The following RPS6KA2 variants were observed in gnomAD, a reference collection of about 807,000 sequenced individuals.
RPS6KA2 encodes the protein ribosomal protein S6 kinase A2.
RPS6KA2 carries 42 observed loss-of-function variants against 91.8 expected under a neutral mutation model. The ratio of observed to expected loss-of-function variants is 0.46; its 90% CI spans 0.36 to 0.59. The LOEUF (loss-of-function observed/expected upper bound fraction) is 0.59, where lower values mean the gene tolerates loss of function less well. RPS6KA2 is among the 20% of genes least tolerant of loss of function. The probability of loss-of-function intolerance (pLI) is 0.00; values close to 1 mark genes in which losing one functional copy is unlikely to be tolerated. For synonymous variants in RPS6KA2, 414 were observed against 393.6 expected, an observed-to-expected ratio of 1.05 and a Z score of -0.61; for missense variants, 798 against 978.5, an observed-to-expected ratio of 0.82 and a Z score of 2.46.
intron 2 of RPS6KA2, among the ~76,000 whole-genome samples, chr6:166,810,475 G>A (rs140048095): frequency 1.7e-3 from 256 of 152,264 alleles, no homozygotes; most frequent in African/African-American, 5.8e-3. Flanking sequence ...CATTAAAGAC[G>A]AGATGTGCCT....
In RPS6KA2 at chr6:166,554,203, T is replaced by A. The variant is rs916154964; in HGVS notation, c.100-15419A>T. Among the ~76,000 whole-genome samples, 24 of 152,218 alleles carry A rather than the reference T, an allele frequency of 1.6e-4. No individual in the cohort carries two copies. Among genetic ancestry groups the A allele is most frequent in the African/African-American group, 5.8e-4 (24 of 41,456 alleles). On this transcript the variant is annotated intron_variant, in intron 1 of 20. Transcript: ENST00000265678. This position sits in a 1 kb window ranked among gnomAD's most constrained non-coding sequence, Gnocchi z 4.3. ...CCACAGAGTGACATATTTTTCTTAT[T>A]AGACTTAGAGCTTTTCAAATAATGA...
chr6:166,578,365 G>C (rs1338824324), intron 1 of RPS6KA2, among the ~76,000 whole-genome samples: 5 of 152,212 alleles, frequency 3.3e-5, no homozygotes, highest in African/African-American at 9.6e-5. Context: ...AGTAGGAGCA[G>C]TTAAGAGGCC....
intron 2 of RPS6KA2, among the ~76,000 whole-genome samples, chr6:166,686,340 C>T (rs570668899): frequency 2.6e-5 from 4 of 152,288 alleles, no homozygotes; most frequent in African/African-American, 9.6e-5. Flanking sequence ...GGGTTATCTC[C>T]ATGTCACCTG....
intron 2 of RPS6KA2, among the ~76,000 whole-genome samples, chr6:166,856,108 T>C (rs1006496252): frequency 6.6e-6 from 1 of 152,200 alleles, no homozygotes; most frequent in Admixed American, 6.5e-5. Flanking sequence ...AATTAAAGGA[T>C]TTTCTGTTAG....
chr6:166,858,401 T>G, intron 1 of RPS6KA2: 1 of 623,784 alleles, frequency 1.6e-6, no homozygotes, highest in Non-Finnish European at 2.9e-6. Context: ...TCACCGTCCC[T>G]TCCCACCTGA....
chr6:166,589,383 T>C (rs1785285784), intron 1 of RPS6KA2, among the ~76,000 whole-genome samples: 1 of 152,216 alleles, frequency 6.6e-6, no homozygotes, highest in African/African-American at 2.4e-5. Flanking sequence ...TGAGCACTTG[T>C]TCTAAATTAT....
At chr6:166,446,133 C>CA (rs1779671608) in intron 14 of RPS6KA2, among the ~76,000 whole-genome samples, 3 of 152,254 alleles carry the variant, frequency 2.0e-5, no homozygotes, top group African/African-American at 7.2e-5. Context: ...TTCTAAATAA[C>CA]AAGCTCGTTG....
intron 2 of RPS6KA2, among the ~76,000 whole-genome samples, chr6:166,674,494 G>C (rs1375138238): frequency 6.6e-6 from 1 of 152,330 alleles, no homozygotes; most frequent in East Asian, 1.9e-4. Flanking sequence ...AGGCACCAAG[G>C]ACAAGAGGTC....
intron 2 of RPS6KA2, among the ~76,000 whole-genome samples, chr6:166,661,617 T>C (rs1006663911): frequency 7.9e-5 from 12 of 152,100 alleles, no homozygotes; most frequent in African/African-American, 2.7e-4. Context: ...ATAATAAATA[T>C]AAAATCTACA....
intron 1 of RPS6KA2, among the ~76,000 whole-genome samples, chr6:166,584,047 C>G (rs376655499): frequency 6.6e-6 from 1 of 152,196 alleles, no homozygotes; most frequent in Non-Finnish European, 1.5e-5. Flanking sequence ...TTTAAAATGC[C>G]TTGGTGTGTT....
At chr6:166,674,313 T>C (rs1052346746) in intron 2 of RPS6KA2, among the ~76,000 whole-genome samples, 34 of 152,184 alleles carry the variant, frequency 2.2e-4, no homozygotes, top group Admixed American at 2.2e-3. Flanking sequence ...ACATGGCAGG[T>C]GGGCGCTGGG....
At chr6:166,857,209 C>T (rs914168977) in intron 2 of RPS6KA2, among the ~76,000 whole-genome samples, 7 of 152,198 alleles carry the variant, frequency 4.6e-5, no homozygotes, top group Non-Finnish European at 8.8e-5. Context: ...TAATGTTCAT[C>T]GATCCAGCCC....
intron 1 of RPS6KA2, among the ~76,000 whole-genome samples, chr6:166,608,015 GA>G (rs35201506): frequency 0.12 from 15,023 of 127,968 alleles, 811 homozygotes; most frequent in East Asian, 0.3. Context: ...GTCTCAGAAA[GA>G]AAAAAAAAAA....
intron 14 of RPS6KA2, among the ~76,000 whole-genome samples, chr6:166,447,770 T>A (rs1779725903): frequency 6.6e-6 from 1 of 152,176 alleles, no homozygotes; most frequent in Non-Finnish European, 1.5e-5. Context: ...GCAGATGTTC[T>A]TTGAAGGGCA....
chr6:166,788,650 C>A (rs996257443), intron 2 of RPS6KA2, among the ~76,000 whole-genome samples: 1 of 152,062 alleles, frequency 6.6e-6, no homozygotes, highest in African/African-American at 2.4e-5. Context: ...ACCACTTGGA[C>A]TCAGGGAGGG....
intron 19 of RPS6KA2, among the ~76,000 whole-genome samples, chr6:166,416,817 CCAT>C (rs1461791156): frequency 6.6e-6 from 1 of 152,048 alleles, no homozygotes; most frequent in Non-Finnish European, 1.5e-5. Flanking sequence ...ACCATCACCT[CCAT>C]CATCGCTGTC....
intron 2 of RPS6KA2, among the ~76,000 whole-genome samples, chr6:166,668,172 G>T (rs1291263384): frequency 6.6e-6 from 1 of 152,150 alleles, no homozygotes; most frequent in Non-Finnish European, 1.5e-5. Flanking sequence ...AGCGAGGTTT[G>T]GTTTCCCTGA....
intron 2 of RPS6KA2, among the ~76,000 whole-genome samples, chr6:166,706,873 G>A (rs1355013483): frequency 6.6e-6 from 1 of 152,258 alleles, no homozygotes; most frequent in African/African-American, 2.4e-5. Context: ...TATTTTGACA[G>A]TTGTGCTAGA....
chr6:166,428,680 T>G (rs1298197203), intron 16 of RPS6KA2, among the ~76,000 whole-genome samples: 1 of 151,394 alleles, frequency 6.6e-6, no homozygotes, highest in African/African-American at 2.4e-5. Flanking sequence ...AAGACATTTA[T>G]GCAGCCAAAA....
Sources: gnomAD v4.1 joint callset for allele counts (sites outside exome capture counted in the v4.1 genomes callset) on GRCh38, gnomAD v4.1.1 for gene constraint, Gnocchi (gnomAD v3.1) non-coding constraint, MANE v1.5 for transcripts, NCBI Gene and HGNC (gene_info 2026-07-23, HGNC 2026-07-21) for gene names.